C2CD3: variants seen among roughly 807,000 people sequenced by gnomAD.
The protein encoded by C2CD3 is C2 domain-containing protein 3.
In C2CD3, 148 loss-of-function variants were observed where a neutral mutation model predicts 234.0. The observed-to-expected ratio is 0.63, with a 90% confidence interval of 0.55 to 0.72. C2CD3 has a LOEUF of 0.72. Ranked by LOEUF, C2CD3 falls within the 30% of genes least tolerant of loss-of-function variation. The pLI is 0.00. For missense variants in C2CD3, 2,577 were observed against 2,811.5 expected (o/e 0.92, Z 1.89); for synonymous variants, 1,000 against 1,035.4 (o/e 0.97, Z 0.66).
chr11:74,094,151 G>A (rs1189568655), intron 17 of C2CD3, 152 bp from the exon 18 acceptor site: 1 of 512,632 alleles, frequency 2.0e-6, no homozygotes, highest in African/African-American at 2.0e-5. Context: ...AAGATACCTT[G>A]CTGGTGGACA....
At chr11:74,072,061 T>C (rs1374764254) in intron 24 of C2CD3, among the ~76,000 whole-genome samples, 1 of 152,180 alleles carries the variant, frequency 6.6e-6, no homozygotes, top group Non-Finnish European at 1.5e-5. Context: ...TTTTAATACT[T>C]TCCTTAAACT....
chr11:74,013,786 G>A (rs1019498074), intron 32 of C2CD3, among the ~76,000 whole-genome samples: 1 of 152,192 alleles, frequency 6.6e-6, no homozygotes, highest in African/African-American at 2.4e-5. Flanking sequence ...TAGCAGAGCT[G>A]GGACGTGAAC....
At position 74,048,206 on chromosome 11, in the gene C2CD3, T is replaced by C. The variant is rs1632242; in HGVS notation, c.5494A>G (p.Arg1832Gly). Residue 1832 changes from arginine (R) to glycine (G), a missense_variant and splice_region_variant, in exon 28 of 33, where the codon AGA becomes GGA. Coordinates refer to ENST00000334126, the MANE Select transcript of C2CD3 (RefSeq NM_001286577.2). ...TCTCATCATCAAGAATTCACTCACC[T>C]CCCAGGAGAGGAGAAATCAAGCTCC... ...SKELDFSSPGRSDTTRSQASR... is the reference protein window; with the variant it reads ...SKELDFSSPGGSDTTRSQASR... 7.7e-3 allele frequency: 12,455 copies of C among 1,612,830 alleles called. 835 individuals carry two copies. In the African/African-American group the frequency reaches 0.15, roughly 19 times the overall value.
chr11:74,028,228 C>T, intron 32 of C2CD3, 59 bp downstream of exon 32: 1 of 1,246,834 alleles, frequency 8.0e-7, no homozygotes, highest in Non-Finnish European at 1.1e-6. Context: ...ATTCTGTGCA[C>T]ACTTCTGTGG....
chr11:74,078,789 C>A, intron 22 of C2CD3, 72 bp from the exon 23 acceptor site: 1 of 1,367,128 alleles, frequency 7.3e-7, no homozygotes, highest in Non-Finnish European at 9.8e-7. Context: ...TTACTCTCCA[C>A]CCCATAGTGT....
Position 74,078,146 on chromosome 11 carries a change from C to T in C2CD3, c.4572G>A (p.Gly1524=), listed in dbSNP as rs753690815. The change falls in exon 23 of 33, where the codon GGG becomes GGA. Residue 1524 remains glycine (G), a synonymous_variant. Coordinates refer to ENST00000334126, the MANE Select transcript of C2CD3 (RefSeq NM_001286577.2). The stretch of plus-strand genomic sequence containing the variant: ...CAGTTAGCGTCCTCGCTGACCTCTC[C>T]CCAAGTCTGGCCAGGTCCACATAGG... ...GSAYVDLARL[G]ERSARTLTVS... is the part of the protein sequence containing the mutation. 6.2e-7 allele frequency: 1 copy of T among 1,613,872 alleles called. No individual in the cohort carries two copies. The highest frequency in any genetic ancestry group is 1.1e-5 in the South Asian group (1 of 91,062).
intron 4 of C2CD3, among the ~76,000 whole-genome samples, chr11:74,139,242 A>G (rs1042874237): frequency 6.6e-6 from 1 of 152,248 alleles, no homozygotes; most frequent in Non-Finnish European, 1.5e-5. Flanking sequence ...TGCTTCATAA[A>G]TAATTACTTA....
At chr11:74,121,082 T>C (rs959139316) in intron 8 of C2CD3, among the ~76,000 whole-genome samples, 1 of 150,348 alleles carries the variant, frequency 6.7e-6, no homozygotes, top group African/African-American at 2.5e-5. Context: ...GGGTAAAGGG[T>C]ATAAGTGGGA....
At chr11:74,120,297 G>A (rs145809183) in intron 8 of C2CD3, among the ~76,000 whole-genome samples, 3 of 152,044 alleles carry the variant, frequency 2.0e-5, no homozygotes, top group Admixed American at 1.3e-4. Flanking sequence ...CACCCTACAG[G>A]CCCTGGTGTG....
chr11:74,013,084 C>G lies in C2CD3; in HGVS notation c.*301G>C, dbSNP rs138754669. Reference sequence around the variant, plus strand: ...CAGCTGTGTCAAGGACACTGGGGGGCGTTTCTCCACCGAAAGATGCCTGCT... The same window carrying G: ...CAGCTGTGTCAAGGACACTGGGGGGGGTTTCTCCACCGAAAGATGCCTGCT... On this transcript the variant is annotated 3_prime_UTR_variant, in exon 33 of 33. Transcript: ENST00000334126. 15 of 183,494 alleles carry G rather than the reference C, an allele frequency of 8.2e-5. No individual in the cohort carries two copies. Among genetic ancestry groups the G allele is most frequent in the Non-Finnish European group, 1.5e-4 (13 of 89,240 alleles). 11.4% of individuals were successfully genotyped at this position (183,494 alleles called of 1,614,324 possible).
chr11:74,092,733 T>A, intron 18 of C2CD3, 145 bp from the exon 19 acceptor site: 1 of 624,832 alleles, frequency 1.6e-6, no homozygotes. Context: ...TCTGGCTAAA[T>A]TTACCACTCA....
rs777632461 is a variant in C2CD3, at chr11:74,078,680, G to A, written c.4038C>T (p.Asp1346=). The A allele has an allele frequency of 1.1e-5, 17 of 1,611,334 alleles. No individual in the cohort carries two copies. The highest frequency in any genetic ancestry group is 1.7e-4 in the Middle Eastern group (1 of 6,040). Residue 1346 remains aspartate, a synonymous_variant, in exon 23 of 33, where the codon GAC becomes GAT. Transcript: ENST00000334126. The part of the protein sequence containing the change: ...TGWYPIILPE[D]GGLPHGLELM... The stretch of plus-strand genomic sequence containing the variant: ...GCTCCAGGCCATGAGGTAGGCCCCC[G>A]TCTTCTGGTAAAATGATAGGATACC...
chr11:74,042,323 A>T (rs554495776), intron 28 of C2CD3, 105 bp from the exon 29 acceptor site: 3 of 1,146,626 alleles, frequency 2.6e-6, no homozygotes, highest in South Asian at 3.1e-5. Context: ...AATGGAATGC[A>T]AATCTATCCC....
At chr11:74,059,730 G>A (rs1414008666) in intron 24 of C2CD3, among the ~76,000 whole-genome samples, 5 of 152,182 alleles carry the variant, frequency 3.3e-5, no homozygotes, top group Admixed American at 6.5e-5. Context: ...CGCAGAAGAC[G>A]GTTGATTTCT....
intron 26 of C2CD3, among the ~76,000 whole-genome samples, chr11:74,050,724 GC>G (rs1953636605): frequency 3.3e-5 from 5 of 151,888 alleles, no homozygotes; most frequent in African/African-American, 1.2e-4. Context: ...TGGACAGCTT[GC>G]TGTCCTTTAG....
rs368265038 is a variant in C2CD3 at position 74,088,301 on chromosome 11, C to T, written c.3642-2415G>A. ...AAATTTCCATTTCAGATGAAGAAAC[C>T]GAAGCTCATGGAAGTAAAGAAATCA... On this transcript the variant is annotated intron_variant, in intron 20 of 32. Transcript: ENST00000334126. Among the ~76,000 whole-genome samples the T allele has an allele frequency of 3.2e-4, 48 of 152,206 alleles. 1 individual carries two copies. In the East Asian group the frequency reaches 7.1e-3, roughly 23 times the overall value.
Position 74,114,403 on chromosome 11 carries a change from C to T in C2CD3, c.1711G>A (p.Val571Met), listed in dbSNP as rs1419931536. 1.2e-6 allele frequency: 2 copies of T among 1,613,806 alleles called. No individual in the cohort carries two copies. The highest frequency in any genetic ancestry group is 1.3e-5 in the African/African-American group (1 of 75,022). The part of the protein sequence containing the change: ...KKSYAGPPPK[V>M]TTAKKRTFFV... The stretch of plus-strand genomic sequence containing the variant: ...ACATACCGCTTTTTTGCTGTAGTCA[C>T]CTTAGGTGGTGGACCAGCATAGCTT... Residue 571 changes from valine to methionine, a missense_variant, in exon 10 of 33, where the codon GTG becomes ATG. Transcript: ENST00000334126.
chr11:74,147,361 G>A (rs1855284274), intron 3 of C2CD3, among the ~76,000 whole-genome samples: 1 of 152,062 alleles, frequency 6.6e-6, no homozygotes, highest in Admixed American at 6.5e-5. Flanking sequence ...AGGCTGCAGT[G>A]AGTCATGATC....
At chr11:74,056,801 G>A (rs751465216) in intron 25 of C2CD3, among the ~76,000 whole-genome samples, 1 of 151,998 alleles carries the variant, frequency 6.6e-6, no homozygotes, top group Non-Finnish European at 1.5e-5. Flanking sequence ...TTTAGCTGAG[G>A]TGTCTTATTT....
Sources: allele counts gnomAD v4.1 joint callset (sites outside exome capture counted in the v4.1 genomes callset), GRCh38; gene constraint gnomAD v4.1.1; transcripts MANE v1.5; gene names NCBI Gene and HGNC (gene_info 2026-07-23, HGNC 2026-07-21).